The following DMD variants were observed in gnomAD, a reference collection of about 807,000 sequenced individuals.
The protein encoded by DMD is mutant dystrophin.
DMD carries 63 observed loss-of-function variants against 330.1 expected under a neutral mutation model. The ratio of observed to expected loss-of-function variants is 0.19; its 90% CI spans 0.16 to 0.24. The LOEUF (loss-of-function observed/expected upper bound fraction) is 0.24, where lower values mean the gene tolerates loss of function less well. Ranked by LOEUF, DMD falls within the 10% of genes least tolerant of loss-of-function variation. DMD has a pLI of 1.00. For missense variants in DMD, 3,344 were observed against 2,684.1 expected, an observed-to-expected ratio of 1.25 and a Z score of -5.43; for synonymous variants, 1,223 against 959.8, an observed-to-expected ratio of 1.27 and a Z score of -5.07.
intron 55 of DMD, among the ~76,000 whole-genome samples, chrX:31,514,102 C>T (rs1436285061): frequency 9.0e-6 from 1 of 111,660 alleles, no homozygotes; most frequent in African/African-American, 3.3e-5. Context: ...TATGTCAGCA[C>T]ACAAAGAGCA....
chrX:33,161,942 C>A (rs1437950812), intron 1 of DMD, among the ~76,000 whole-genome samples: 2 of 111,827 alleles, frequency 1.8e-5, no homozygotes, highest in African/African-American at 6.5e-5. Flanking sequence ...TGAGCTGTGG[C>A]ACAGTAAGCC....
intron 1 of DMD, among the ~76,000 whole-genome samples, chrX:33,273,511 C>G (rs188948929): frequency 5.2e-4 from 58 of 112,286 alleles, no homozygotes; most frequent in African/African-American, 1.8e-3. Context: ...TCCTGCATCT[C>G]TAACTAATCT....
chrX:32,588,427 G>A (rs781540063), intron 13 of DMD, among the ~76,000 whole-genome samples: 1 of 111,894 alleles, frequency 8.9e-6, no homozygotes, highest in Non-Finnish European at 1.9e-5. Flanking sequence ...CCGGTGGTAT[G>A]TGCAAAGAGG....
rs950296877 is a variant in DMD, at chrX:32,538,012, C to T, written c.2168+7147G>A. Reference sequence around the variant, plus strand: ...TACACAGAAGACATCACACAGGTAACGAACAAGAAATGGATCCTGGCCCAG... The same window carrying T: ...TACACAGAAGACATCACACAGGTAATGAACAAGAAATGGATCCTGGCCCAG... On this transcript the variant is annotated intron_variant, in intron 17 of 78. Transcript: ENST00000357033. Among the ~76,000 whole-genome samples, 6 of 112,256 alleles carry T rather than the reference C, an allele frequency of 5.3e-5. 1 individual carries two copies. The highest frequency in any genetic ancestry group is 3.8e-4 in the Admixed American group (4 of 10,644).
chrX:32,673,103 T>G (rs891701323), intron 9 of DMD, among the ~76,000 whole-genome samples: 4 of 111,102 alleles, frequency 3.6e-5, no homozygotes, highest in African/African-American at 9.8e-5. Flanking sequence ...TGAGAAGAGT[T>G]TTCCATTATT....
intron 18 of DMD, among the ~76,000 whole-genome samples, chrX:32,514,520 T>A (rs1238447319): frequency 9.0e-6 from 1 of 111,719 alleles, no homozygotes; most frequent in Non-Finnish European, 1.9e-5. Flanking sequence ...GGCGGGCGGA[T>A]CACGAGGTCA....
chrX:32,792,177 T>C (rs772506457), intron 7 of DMD, among the ~76,000 whole-genome samples: 8 of 111,595 alleles, frequency 7.2e-5, no homozygotes, highest in Admixed American at 2.9e-4. Flanking sequence ...AAATAGTTCC[T>C]AGACGAGTGA....
chrX:31,648,930 A>G (rs533840937), intron 54 of DMD, among the ~76,000 whole-genome samples: 7 of 111,062 alleles, frequency 6.3e-5, no homozygotes, highest in South Asian at 3.7e-4. Flanking sequence ...TATTAAAAAA[A>G]CTCAACTTTC....
At chrX:31,746,193 C>T (rs919999231) in intron 51 of DMD, among the ~76,000 whole-genome samples, 7 of 112,192 alleles carry the variant, frequency 6.2e-5, no homozygotes, top group African/African-American at 2.3e-4. Context: ...TAACGGCAGC[C>T]ATCAATAAAC....
In DMD at chrX:32,247,144, C is replaced by T. The variant is rs1319245129; in HGVS notation, c.6291-30081G>A. Reference sequence around the variant, plus strand: ...TTTACATCATGAAAATCTTCAAAGACATATATAAGTAAAGAGAACAGTATA... The same window carrying T: ...TTTACATCATGAAAATCTTCAAAGATATATATAAGTAAAGAGAACAGTATA... On this transcript the variant is annotated intron_variant, in intron 43 of 78. Transcript: ENST00000357033. Among the ~76,000 whole-genome samples the T allele has an allele frequency of 2.7e-5, 3 of 111,229 alleles. No individual in the cohort carries two copies. In the Admixed American group the frequency reaches 2.9e-4, roughly 11 times the overall value.
At chrX:32,763,159 CT>C (rs1292100073) in intron 7 of DMD, among the ~76,000 whole-genome samples, 1 of 111,602 alleles carries the variant, frequency 9.0e-6, no homozygotes, top group African/African-American at 3.3e-5. Context: ...CTCTTGACAT[CT>C]TTGTATTAAT....
intron 62 of DMD, among the ~76,000 whole-genome samples, chrX:31,321,582 T>TAAAAAAAAAA (rs1271421235): frequency 8.7e-5 from 1 of 11,511 alleles, no homozygotes; most frequent in Non-Finnish European, 1.3e-4. Context: ...AAACTCCATC[T>TAAAAAAAAAA]CAAAAAAAAA....
intron 7 of DMD, among the ~76,000 whole-genome samples, chrX:32,799,586 TAGGG>T (rs1325204463): frequency 1.9e-5 from 2 of 105,045 alleles, no homozygotes; most frequent in East Asian, 5.8e-4. Flanking sequence ...TCTCTTAATA[TAGGG>T]AGGATTTTTT....
chrX:32,840,615 C>A (rs547286334), intron 4 of DMD, among the ~76,000 whole-genome samples: 2 of 112,084 alleles, frequency 1.8e-5, no homozygotes, highest in Middle Eastern at 4.6e-3. Context: ...CAAAAGTTAA[C>A]CACTCTCTTC....
intron 4 of DMD, 76 bp from the exon 5 acceptor site, chrX:32,823,463 G>A (rs1007076978): frequency 5.9e-5 from 42 of 714,603 alleles, no homozygotes; most frequent in African/African-American, 1.7e-4. Flanking sequence ...TAATAAAAAC[G>A]TGAAGGTAAT....
At chrX:32,120,564 G>A (rs1260842828) in intron 44 of DMD, among the ~76,000 whole-genome samples, 1 of 112,150 alleles carries the variant, frequency 8.9e-6, no homozygotes, top group African/African-American at 3.2e-5. Context: ...GCTGAAAGGT[G>A]TTTTATGGAT....
chrX:32,934,851 T>A (rs1246775105), intron 2 of DMD, among the ~76,000 whole-genome samples: 1 of 112,690 alleles, frequency 8.9e-6, no homozygotes, highest in African/African-American at 3.2e-5. Context: ...TTTCTTTTGT[T>A]TGCTCATTTG....
chrX:33,293,817 T>A (rs924534732), intron 1 of DMD, among the ~76,000 whole-genome samples: 13 of 111,317 alleles, frequency 1.2e-4, no homozygotes, highest in African/African-American at 3.9e-4. Flanking sequence ...AGGTAAAGGG[T>A]CAACTTCATT....
intron 37 of DMD, among the ~76,000 whole-genome samples, chrX:32,359,671 A>T (rs1300724912): frequency 9.0e-6 from 1 of 111,544 alleles, no homozygotes; most frequent in African/African-American, 3.3e-5. Context: ...TGTAATCAAC[A>T]AAAGATTACT....
Sources: gnomAD v4.1 joint callset for allele counts (sites outside exome capture counted in the v4.1 genomes callset) on GRCh38, gnomAD v4.1.1 for gene constraint, MANE v1.5 for transcripts, NCBI Gene and HGNC (gene_info 2026-07-23, HGNC 2026-07-21) for gene names.